Variants in NAALADL2 observed in about 807,000 individuals in gnomAD.
NAALADL2 encodes N-acetylated alpha-linked acidic dipeptidase like 2, also known as inactive N-acetylated-alpha-linked acidic dipeptidase-like protein 2.
A neutral mutation model predicts 87.2 loss-of-function variants in NAALADL2; 76 were observed. The ratio of observed to expected loss-of-function variants is 0.87; its 90% CI spans 0.72 to 1.05. The LOEUF (loss-of-function observed/expected upper bound fraction) is 1.05, where lower values mean the gene tolerates loss of function less well. Among genes scored for constraint, NAALADL2 ranks in the 50% least tolerant of loss-of-function variants. NAALADL2 has a pLI of 0.00. For missense variants in NAALADL2, 1,089 were observed against 945.8 expected, an observed-to-expected ratio of 1.15 and a Z score of -1.99; for synonymous variants, 354 against 331.0, an observed-to-expected ratio of 1.07 and a Z score of -0.75.
intron 1 of NAALADL2, among the ~76,000 whole-genome samples, chr3:174,995,005 T>C (rs1747239918): frequency 1.3e-5 from 2 of 152,152 alleles, no homozygotes; most frequent in Non-Finnish European, 2.9e-5. Flanking sequence ...ATGGTGATTC[T>C]TTGCCTATTA....
chr3:175,576,821 ATTAT>A (rs1320642442), intron 10 of NAALADL2, among the ~76,000 whole-genome samples: 2 of 152,166 alleles, frequency 1.3e-5, no homozygotes, highest in African/African-American at 4.8e-5. Flanking sequence ...TCATTTACAA[ATTAT>A]TTATGCATTA....
In NAALADL2 at chr3:175,096,873, G is replaced by T; in HGVS notation, c.127G>T (p.Ala43Ser). The part of the protein sequence containing the change: ...SQYLDNDDLQ[A>S]TALDLEWDME... ...GTACTTAGACAATGATGACCTTCAAGCCACTGCCCTTGACTTAGAGTGGGA... is the reference window on the plus strand; with the variant it reads ...GTACTTAGACAATGATGACCTTCAATCCACTGCCCTTGACTTAGAGTGGGA... Residue 43 changes from alanine to serine, a missense_variant, in exon 2 of 14, where the codon GCC (alanine) becomes TCC (serine). By Grantham distance (99) the Ala-to-Ser change is moderately conservative. Transcript: ENST00000454872. The T allele has an allele frequency of 6.2e-7, 1 of 1,613,042 alleles. No homozygotes were observed. Among genetic ancestry groups the T allele is most frequent in the Non-Finnish European group, 8.5e-7 (1 of 1,179,504 alleles).
At chr3:174,608,408 A>T (rs1428646608) in intron 2 of NAALADL2, among the ~76,000 whole-genome samples, 1 of 152,136 alleles carries the variant, frequency 6.6e-6, no homozygotes, top group Middle Eastern at 3.4e-3. Context: ...AACAAAATTG[A>T]TAGACCGCTA....
chr3:175,096,654 G>T (rs1283246262), intron 1 of NAALADL2, 136 bp from the exon 2 acceptor site: 1 of 436,196 alleles, frequency 2.3e-6, no homozygotes, highest in African/African-American at 2.0e-5. Context: ...TAAAATATGA[G>T]TTTCTATAGG....
At chr3:175,785,109 G>A (rs1027945816) in intron 13 of NAALADL2, among the ~76,000 whole-genome samples, 57 of 150,996 alleles carry the variant, frequency 3.8e-4, no homozygotes, top group African/African-American at 1.3e-3. Context: ...TTGCTGAGGA[G>A]AGCTTTACTT....
At chr3:174,549,144 T>C (rs975093133) in intron 1 of NAALADL2, among the ~76,000 whole-genome samples, 1 of 152,234 alleles carries the variant, frequency 6.6e-6, no homozygotes, top group African/African-American at 2.4e-5. Context: ...TCTGGCTTGC[T>C]AATGCATGTT....
intron 2 of NAALADL2, among the ~76,000 whole-genome samples, chr3:174,700,002 C>A (rs1468811427): frequency 5.9e-5 from 9 of 151,732 alleles, no homozygotes; most frequent in Non-Finnish European, 8.8e-5. Flanking sequence ...GTGTCAGGTT[C>A]AATTCTCCCT....
At chr3:175,578,407 T>A (rs1719229550) in intron 10 of NAALADL2, among the ~76,000 whole-genome samples, 1 of 152,088 alleles carries the variant, frequency 6.6e-6, no homozygotes, top group African/African-American at 2.4e-5. Context: ...CACTCCAGCC[T>A]GGGTGACAGA....
intron 1 of NAALADL2, among the ~76,000 whole-genome samples, chr3:174,934,414 C>G (rs974532357): frequency 6.6e-6 from 1 of 152,166 alleles, no homozygotes; most frequent in Non-Finnish European, 1.5e-5. Context: ...GACCATTTCA[C>G]AGCTGTTTTC....
chr3:174,926,255 G>C (rs1247788878), intron 1 of NAALADL2, among the ~76,000 whole-genome samples: 1 of 152,204 alleles, frequency 6.6e-6, no homozygotes. Context: ...AAGTGACAGG[G>C]AGAATGGAAC....
At chr3:175,389,188 T>G (rs974929787) in intron 5 of NAALADL2, among the ~76,000 whole-genome samples, 1 of 152,120 alleles carries the variant, frequency 6.6e-6, no homozygotes, top group Non-Finnish European at 1.5e-5. Context: ...TTAAAGACAG[T>G]GTACAGTTGG....
At chr3:174,951,425 A>C (rs1259684381) in intron 1 of NAALADL2, among the ~76,000 whole-genome samples, 1 of 152,100 alleles carries the variant, frequency 6.6e-6, no homozygotes, top group Non-Finnish European at 1.5e-5. Context: ...ATGATCAAAA[A>C]AAGAGAAAAT....
intron 13 of NAALADL2, among the ~76,000 whole-genome samples, chr3:175,771,241 C>T (rs1401561248): frequency 4.6e-5 from 7 of 152,002 alleles, no homozygotes; most frequent in African/African-American, 9.7e-5. Flanking sequence ...CATACAATTT[C>T]GATTAGGTGT....
At chr3:175,719,048 G>A (rs183667454) in intron 11 of NAALADL2, among the ~76,000 whole-genome samples, 3 of 152,198 alleles carry the variant, frequency 2.0e-5, no homozygotes, top group Admixed American at 6.6e-5. Flanking sequence ...TGGGCCAGGG[G>A]CCAGGATGAA....
intron 6 of NAALADL2, chr3:175,459,895 G>A (rs1311196391): frequency 5.4e-5 from 15 of 276,126 alleles, no homozygotes; most frequent in South Asian, 3.6e-4. Flanking sequence ...TAATCATTAC[G>A]TATATCTCTC....
chr3:175,290,739 G>T (rs553642763), intron 4 of NAALADL2, among the ~76,000 whole-genome samples: 3 of 152,022 alleles, frequency 2.0e-5, no homozygotes, highest in Admixed American at 6.6e-5. Flanking sequence ...TAGGCATAAA[G>T]TTTATTTAAA....
intron 5 of NAALADL2, among the ~76,000 whole-genome samples, chr3:175,366,725 A>G (rs2148928312): frequency 6.7e-6 from 1 of 150,112 alleles, no homozygotes; most frequent in Middle Eastern, 3.4e-3. Context: ...TTTCTTGTAA[A>G]TTTGTTTGAG....
At chr3:174,613,879 G>T (rs978799185) in intron 2 of NAALADL2, among the ~76,000 whole-genome samples, 10 of 152,130 alleles carry the variant, frequency 6.6e-5, no homozygotes, top group Non-Finnish European at 1.5e-5. Context: ...AGGGCTCAAG[G>T]GTTCTTTAGT....
At chr3:175,448,692 T>C (rs1181106595) in intron 6 of NAALADL2, among the ~76,000 whole-genome samples, 1 of 148,068 alleles carries the variant, frequency 6.8e-6, no homozygotes, top group South Asian at 2.1e-4. Flanking sequence ...TTTTTTAAAA[T>C]TTTTTTGTGT....
Sources: allele counts gnomAD v4.1 joint callset (sites outside exome capture counted in the v4.1 genomes callset), GRCh38; gene constraint gnomAD v4.1.1; transcripts MANE v1.5; gene names NCBI Gene and HGNC (gene_info 2026-07-23, HGNC 2026-07-21).